GCFC2: variants seen among roughly 807,000 people sequenced by gnomAD.
The protein encoded by GCFC2 is intron Large complex component GCFC2.
GCFC2 carries 102 observed loss-of-function variants against 99.4 expected under a neutral mutation model. That is an observed-to-expected ratio of 1.03 (90% CI 0.87 to 1.21). The LOEUF (loss-of-function observed/expected upper bound fraction) is 1.21, where lower values mean the gene tolerates loss of function less well. Ranked by LOEUF, GCFC2 falls within the 50% of genes most tolerant of loss-of-function variation. The pLI, the probability that GCFC2 is intolerant of heterozygous loss-of-function variation, is 0.00. For missense variants in GCFC2, 973 were observed against 920.9 expected (o/e 1.06, Z -0.73); for synonymous variants, 338 against 316.8 (o/e 1.07, Z -0.71).
At chr2:75,686,040 T>C (rs909791304) in intron 11 of GCFC2, among the ~76,000 whole-genome samples, 4 of 152,210 alleles carry the variant, frequency 2.6e-5, no homozygotes, top group African/African-American at 9.6e-5. Flanking sequence ...TAGAATTCAA[T>C]CACTATTTGG....
At chr2:75,708,745 T>C (rs1156732700) in intron 1 of GCFC2, among the ~76,000 whole-genome samples, 1 of 151,856 alleles carries the variant, frequency 6.6e-6, no homozygotes, top group Non-Finnish European at 1.5e-5. Context: ...TCCTGATCTC[T>C]TGATACACCT....
At position 75,706,645 on chromosome 2, in the gene GCFC2, C is replaced by G; in HGVS notation, c.272G>C (p.Arg91Thr). 6.4e-7 allele frequency: 1 copy of G among 1,568,568 alleles called. No individual in the cohort carries two copies. Among genetic ancestry groups the G allele is most frequent in the Non-Finnish European group, 8.7e-7 (1 of 1,151,384 alleles). ...APRADEGSESRTLDVSTDEED... is the reference protein window; with the variant it reads ...APRADEGSESTTLDVSTDEED... The stretch of plus-strand genomic sequence containing the variant: ...TTCATCTGTGGACACATCAAGGGTT[C>G]TGGATTCTAACAGGACATTTTAAAA... The change falls in exon 2 of 17, where the codon AGA becomes ACA. Residue 91 changes from arginine (R) to threonine (T), a missense_variant. Coordinates refer to ENST00000321027, the MANE Select transcript of GCFC2 (RefSeq NM_003203.5).
At chr2:75,671,665 C>T (rs867687728) in intron 14 of GCFC2, among the ~76,000 whole-genome samples, 2 of 152,080 alleles carry the variant, frequency 1.3e-5, no homozygotes, top group African/African-American at 2.4e-5. Context: ...TTTTCAAGGA[C>T]GTTTTAAAAC....
chr2:75,679,658 A>G (rs963636958), intron 12 of GCFC2: 2 of 396,980 alleles, frequency 5.0e-6, no homozygotes, highest in African/African-American at 4.1e-5. Context: ...CCATTGTTCA[A>G]GCAAAGCCAC....
chr2:75,707,669 T>C (rs1235859258), intron 1 of GCFC2, among the ~76,000 whole-genome samples: 1 of 152,242 alleles, frequency 6.6e-6, no homozygotes. Context: ...TCTTAAAGCA[T>C]GGTTTATCAA....
chr2:75,690,918 T>G, intron 7 of GCFC2, 199 bp from the exon 8 acceptor site: 1 of 434,034 alleles, frequency 2.3e-6, no homozygotes, highest in Non-Finnish European at 4.1e-6. Context: ...ATGAGGTTCA[T>G]TAGCCTAAAA....
At chr2:75,702,700 A>G (rs1353082664) in intron 2 of GCFC2, among the ~76,000 whole-genome samples, 3 of 152,232 alleles carry the variant, frequency 2.0e-5, no homozygotes, top group Admixed American at 6.5e-5. Flanking sequence ...CTCATCAGGT[A>G]CTGCTCACTT....
At chr2:75,670,396 G>A in intron 14 of GCFC2, 112 bp from the exon 15 acceptor site, 1 of 645,820 alleles carries the variant, frequency 1.5e-6, no homozygotes, top group South Asian at 2.1e-5. Flanking sequence ...AATTAGCCCT[G>A]TTGGAACTGT....
At chr2:75,689,771 TACTC>T (rs1264286688) in intron 9 of GCFC2, among the ~76,000 whole-genome samples, 194 bp downstream of exon 9, 2 of 152,168 alleles carry the variant, frequency 1.3e-5, no homozygotes, top group African/African-American at 4.8e-5. Flanking sequence ...GATGTAAGAA[TACTC>T]ACAATGTTCC....
At chr2:75,671,780 A>G (rs1052181292) in intron 14 of GCFC2, among the ~76,000 whole-genome samples, 170 bp downstream of exon 14, 2 of 152,214 alleles carry the variant, frequency 1.3e-5, no homozygotes, top group African/African-American at 4.8e-5. Context: ...TTTATGTACT[A>G]TGACTGTTTT....
chr2:75,710,705 G>A lies in GCFC2; in HGVS notation c.151C>T (p.Arg51Cys), dbSNP rs1558759325. 1.3e-6 allele frequency: 2 copies of A among 1,536,412 alleles called. No individual in the cohort carries two copies. Among genetic ancestry groups the A allele is most frequent in the Non-Finnish European group, 8.7e-7 (1 of 1,146,404 alleles). ...AEEEPPSGGG[R>C]AQVAGLPHRV... ...TGGGGCAGTCCCGCCACCTGCGCGC[G>A]GCCTCCTCCAGAGGGCGGCTCTTCC... is the stretch of plus-strand genomic sequence containing the variant. Residue 51 changes from arginine (R) to cysteine (C), a missense_variant, in exon 1 of 17, where the codon CGC (arginine) becomes TGC (cysteine). Arg to Cys is a radical substitution (Grantham distance 180). Coordinates refer to ENST00000321027, the MANE Select transcript of GCFC2 (RefSeq NM_003203.5).
chr2:75,684,756 T>G (rs573476625), intron 11 of GCFC2, among the ~76,000 whole-genome samples: 2 of 152,308 alleles, frequency 1.3e-5, no homozygotes, highest in African/African-American at 4.8e-5. Context: ...CACATGCACA[T>G]GTATGTTTAT....
At chr2:75,680,144 T>C (rs754887822) in intron 12 of GCFC2, 49 bp downstream of exon 12, 10 of 1,346,778 alleles carry the variant, frequency 7.4e-6, no homozygotes, top group Non-Finnish European at 9.4e-6. Flanking sequence ...AAGAAAATTA[T>C]AATGATTTAG....
In GCFC2 at chr2:75,698,948, G is replaced by A. The variant is rs1680454736; in HGVS notation, c.717+2242C>T. ...AATTGCTTGAACCTGGGAAGTGGAG[G>A]TTGCAGTGAGCCGAGATCATGCCAC... On this transcript the variant is annotated intron_variant, in intron 4 of 16. Transcript: ENST00000321027. Among the ~76,000 whole-genome samples the A allele has an allele frequency of 1.3e-5, 2 of 151,002 alleles. 1 individual carries two copies. The highest frequency in any genetic ancestry group is 4.2e-4 in the South Asian group (2 of 4,788).
chr2:75,695,883 A>G (rs796588921), intron 5 of GCFC2, among the ~76,000 whole-genome samples: 5 of 152,330 alleles, frequency 3.3e-5, no homozygotes, highest in African/African-American at 1.2e-4. Flanking sequence ...GCAGCTCAAG[A>G]TGTCATCACA....
chr2:75,690,749 A>G (rs376827070), intron 7 of GCFC2, 30 bp from the exon 8 acceptor site: 1 of 1,082,148 alleles, frequency 9.2e-7, no homozygotes, highest in East Asian at 2.4e-5. Flanking sequence ...ACTTCATACT[A>G]CAAATTCTCA....
chr2:75,676,518 A>G (rs1679346684), intron 12 of GCFC2, among the ~76,000 whole-genome samples: 1 of 151,558 alleles, frequency 6.6e-6, no homozygotes, highest in Non-Finnish European at 1.5e-5. Flanking sequence ...GACACTCTCC[A>G]CTTAATATGC....
Position 75,687,737 on chromosome 2 carries a change from T to C in GCFC2, c.1690+90A>G, listed in dbSNP as rs566117019. On this transcript the variant is annotated intron_variant, in intron 11 of 16. Coordinates refer to ENST00000321027, the MANE Select transcript of GCFC2 (RefSeq NM_003203.5). ...ACATTTCCTTGAGATTAAAAACTTATGAAAAAACTTTGTGAATATAACAGA... is the reference window on the plus strand; with the variant it reads ...ACATTTCCTTGAGATTAAAAACTTACGAAAAAACTTTGTGAATATAACAGA... 20 of 994,618 alleles carry C rather than the reference T, an allele frequency of 2.0e-5. No individual in the cohort carries two copies. The African/African-American group carries it at 2.2e-4, about 11-fold the overall frequency. 61.6% of individuals were successfully genotyped at this position (994,618 alleles called of 1,614,324 possible).
chr2:75,706,660 A>G lies in GCFC2; in HGVS notation c.266-9T>C, dbSNP rs1680881959. The G allele has an allele frequency of 1.3e-6, 2 of 1,545,044 alleles. No homozygotes were observed. ...ATCAAGGGTTCTGGATTCTAACAGG[A>G]CATTTTAAAAATACAACAAAAAAGA... is the stretch of plus-strand genomic sequence containing the variant. On this transcript the variant is annotated splice_polypyrimidine_tract_variant and intron_variant, in intron 1 of 16. Transcript: ENST00000321027.
Sources: allele counts gnomAD v4.1 joint callset (sites outside exome capture counted in the v4.1 genomes callset), GRCh38; gene constraint gnomAD v4.1.1; transcripts MANE v1.5; gene names NCBI Gene and HGNC (gene_info 2026-07-23, HGNC 2026-07-21).